GRM1: variants seen among roughly 807,000 people sequenced by gnomAD.
The protein encoded by GRM1 is metabotropic glutamate receptor 1.
A neutral mutation model predicts 90.9 loss-of-function variants in GRM1; 33 were observed. The observed-to-expected ratio is 0.36, with a 90% confidence interval of 0.28 to 0.49. The LOEUF is 0.49. Ranked by LOEUF, GRM1 falls within the 20% of genes least tolerant of loss-of-function variation. The probability of loss-of-function intolerance (pLI) is 0.99; values close to 1 mark genes in which losing one functional copy is unlikely to be tolerated. For missense variants in GRM1, 1,190 were observed against 1,534.3 expected (o/e 0.78, Z 3.75); for synonymous variants, 700 against 613.2 (o/e 1.14, Z -2.09).
chr6:146,249,150 G>C (rs1486128170), intron 2 of GRM1, among the ~76,000 whole-genome samples: 2 of 152,170 alleles, frequency 1.3e-5, no homozygotes, highest in Non-Finnish European at 2.9e-5. Context: ...AAAATTTGCA[G>C]CCTGACCATG....
intron 2 of GRM1, among the ~76,000 whole-genome samples, chr6:146,258,369 C>T (rs998019001): frequency 6.6e-6 from 1 of 152,156 alleles, no homozygotes; most frequent in Non-Finnish European, 1.5e-5. Flanking sequence ...GCCTGCTCTA[C>T]CCAAGAGGGT....
chr6:146,113,243 G>A (rs941733419), intron 1 of GRM1, among the ~76,000 whole-genome samples: 3 of 152,120 alleles, frequency 2.0e-5, no homozygotes, highest in Admixed American at 6.5e-5. Flanking sequence ...GAAACACATC[G>A]TAGATTGAAT....
At chr6:146,404,400 A>G (rs1241219002) in intron 7 of GRM1, among the ~76,000 whole-genome samples, 2 of 152,160 alleles carry the variant, frequency 1.3e-5, no homozygotes, top group Non-Finnish European at 2.9e-5. Context: ...ACTAAAAAAT[A>G]TAACTAAATG....
chr6:146,311,069 C>T (rs1783754847), intron 3 of GRM1, among the ~76,000 whole-genome samples: 1 of 152,194 alleles, frequency 6.6e-6, no homozygotes, highest in South Asian at 2.1e-4. Context: ...CATAATTCCT[C>T]AACCCAATAG....
chr6:146,158,926 A>T (rs569422517), intron 1 of GRM1, among the ~76,000 whole-genome samples: 2 of 152,122 alleles, frequency 1.3e-5, no homozygotes, highest in Non-Finnish European at 2.9e-5. Flanking sequence ...TGTTACCAAG[A>T]GTGTCTGTCT....
chr6:146,230,463 A>G (rs534471975), intron 2 of GRM1, among the ~76,000 whole-genome samples: 24 of 152,292 alleles, frequency 1.6e-4, no homozygotes, highest in African/African-American at 5.5e-4. Context: ...CAAAAAAGAG[A>G]TATCACCACA....
intron 1 of GRM1, among the ~76,000 whole-genome samples, chr6:146,041,628 A>G (rs1235612616): frequency 2.0e-5 from 3 of 151,842 alleles, no homozygotes; most frequent in Admixed American, 1.3e-4. Flanking sequence ...GCCTCCTACA[A>G]TGTGGTGCTG....
At chr6:146,096,777 C>T (rs990601357) in intron 1 of GRM1, among the ~76,000 whole-genome samples, 1 of 152,018 alleles carries the variant, frequency 6.6e-6, no homozygotes, top group Non-Finnish European at 1.5e-5. Context: ...TTGATGATAT[C>T]ATTTTTAGCT....
intron 7 of GRM1, 140 bp from the exon 8 acceptor site, chr6:146,433,732 G>A (rs1331617849): frequency 2.9e-6 from 2 of 696,866 alleles, no homozygotes; most frequent in Non-Finnish European, 2.6e-6. Context: ...TGTAAGAGGA[G>A]GTATGGGGTG....
chr6:146,301,372 C>T (rs985035458), intron 2 of GRM1, among the ~76,000 whole-genome samples: 3 of 152,144 alleles, frequency 2.0e-5, no homozygotes, highest in African/African-American at 7.2e-5. Context: ...ATAAAGTGCC[C>T]TTCAATGCTG....
At chr6:146,410,150 A>G (rs1386502897) in intron 7 of GRM1, among the ~76,000 whole-genome samples, 2 of 152,188 alleles carry the variant, frequency 1.3e-5, no homozygotes, top group African/African-American at 4.8e-5. Flanking sequence ...GAGTTGGAGT[A>G]GGGATGAGGG....
chr6:146,173,945 C>T (rs1394436978), intron 2 of GRM1, among the ~76,000 whole-genome samples: 7 of 151,988 alleles, frequency 4.6e-5, no homozygotes, highest in East Asian at 3.9e-4. Context: ...TGTGAGCCAC[C>T]GCACCTGGCT....
intron 1 of GRM1, among the ~76,000 whole-genome samples, chr6:146,084,550 A>G (rs1203788928): frequency 4.6e-5 from 7 of 152,070 alleles, no homozygotes; most frequent in Admixed American, 2.6e-4. Flanking sequence ...TGTGGTTTTC[A>G]GTGAGTTTCT....
Position 146,146,103 on chromosome 6 carries a change from C to CTTTTTT in GRM1, c.701-13214_701-13209dup, listed in dbSNP as rs35329703. ...CTGTGCCTATGTACTACCATTGTAT[C>CTTTTTT]TTTTTTTTTTTTTTTTTTTTTTTTT... On this transcript the variant is annotated intron_variant, in intron 1 of 7. Transcript: ENST00000282753. Among the ~76,000 whole-genome samples the CTTTTTT allele has an allele frequency of 1.5e-4, 3 of 19,988 alleles. 1 individual carries two copies. The highest frequency in any genetic ancestry group is 2.1e-4 in the Non-Finnish European group (2 of 9,440). The allele number at this position is 19,988 out of a possible 152,430, so 13.1% of individuals were successfully genotyped here.
At chr6:146,433,767 A>G (rs769635288) in intron 7 of GRM1, 105 bp from the exon 8 acceptor site, 220 of 810,542 alleles carry the variant, frequency 2.7e-4, no homozygotes, top group Non-Finnish European at 3.8e-4. Flanking sequence ...TACAGCAGAG[A>G]CAGCAGTTAA....
intron 5 of GRM1, among the ~76,000 whole-genome samples, chr6:146,370,326 G>C (rs541834749): frequency 6.6e-6 from 1 of 152,036 alleles, no homozygotes; most frequent in African/African-American, 2.4e-5. Context: ...TTTCCAGAAT[G>C]ACAGCTCCTC....
intron 2 of GRM1, among the ~76,000 whole-genome samples, chr6:146,266,593 A>C (rs1172442392): frequency 6.6e-6 from 1 of 152,182 alleles, no homozygotes; most frequent in African/African-American, 2.4e-5. Context: ...TCCCAGCTTC[A>C]CTTATCTCCA....
chr6:146,184,674 CT>C (rs369280959), intron 2 of GRM1, among the ~76,000 whole-genome samples: 222 of 152,232 alleles, frequency 1.5e-3, no homozygotes, highest in African/African-American at 4.6e-3. Context: ...AAAAAACAAT[CT>C]TAACATTCTA....
rs183935327 is a variant in GRM1, at chr6:146,403,602, T to G, written c.2660+3903T>G. ...TCAGAGGAAATTTTCCACTTTGTTC[T>G]CTGCTAGAAATATATTTTGTCCACC... On this transcript the variant is annotated intron_variant, in intron 7 of 7. Transcript: ENST00000282753. Among the ~76,000 whole-genome samples, 11 of 152,264 alleles carry G rather than the reference T, an allele frequency of 7.2e-5. No homozygotes were observed. The East Asian group carries it at 1.5e-3, about 21-fold the overall frequency.
Sources: allele counts gnomAD v4.1 joint callset (sites outside exome capture counted in the v4.1 genomes callset), GRCh38; gene constraint gnomAD v4.1.1; transcripts MANE v1.5; gene names NCBI Gene and HGNC (gene_info 2026-07-23, HGNC 2026-07-21).